Variants in SHC3 observed in about 807,000 individuals in gnomAD.
The protein encoded by SHC3 is SHC adaptor protein 3.
SHC3 carries 15 observed loss-of-function variants against 60.4 expected under a neutral mutation model. That is an observed-to-expected ratio of 0.25 (90% CI 0.17 to 0.38). The LOEUF (loss-of-function observed/expected upper bound fraction) is 0.38, where lower values mean the gene tolerates loss of function less well. Ranked by LOEUF, SHC3 falls within the 10% of genes least tolerant of loss-of-function variation. SHC3 has a pLI of 1.00. For missense variants in SHC3, 677 were observed against 786.1 expected (o/e 0.86, Z 1.66); for synonymous variants, 294 against 325.9 (o/e 0.90, Z 1.05).
intron 7 of SHC3, among the ~76,000 whole-genome samples, chr9:89,048,757 G>T (rs1824813703): frequency 6.6e-6 from 1 of 152,234 alleles, no homozygotes; most frequent in Non-Finnish European, 1.5e-5. Flanking sequence ...GCTGGATGCA[G>T]TGTGGGTTCT....
Position 89,130,791 on chromosome 9 carries a change from C to T in SHC3, c.475-18165G>A, listed in dbSNP as rs547203795. Among the ~76,000 whole-genome samples the T allele has an allele frequency of 2.5e-3, 387 of 152,024 alleles. 2 individuals are homozygous for T. Among genetic ancestry groups the T allele is most frequent in the African/African-American group, 8.8e-3 (367 of 41,474 alleles). ...AGGGAAATTTATAGCACTAAATGCC[C>T]ACAAGAGAAAGCAGGAAAGATCTAA... On this transcript the variant is annotated intron_variant, in intron 1 of 11. Transcript: ENST00000375835.
Position 89,129,049 on chromosome 9 carries a change from G to A in SHC3, c.475-16423C>T, listed in dbSNP as rs12349246. On this transcript the variant is annotated intron_variant, in intron 1 of 11. Coordinates refer to ENST00000375835, the MANE Select transcript of SHC3 (RefSeq NM_016848.6). ...ATGGCTAACTAGAATAAACAGTGTA[G>A]AGAAGACCTTAAATGACCTGATGGA... Among the ~76,000 whole-genome samples, 183 of 152,320 alleles carry A rather than the reference G, an allele frequency of 1.2e-3. 1 individual carries two copies. The highest frequency in any genetic ancestry group is 4.3e-3 in the African/African-American group (179 of 41,570).
chr9:89,090,261 G>T (rs974046296), intron 2 of SHC3, among the ~76,000 whole-genome samples: 1 of 152,190 alleles, frequency 6.6e-6, no homozygotes, highest in East Asian at 1.9e-4. Flanking sequence ...CTTGAACTGG[G>T]CTCTCTGTGA....
At chr9:89,096,118 T>C (rs754521327) in intron 2 of SHC3, among the ~76,000 whole-genome samples, 1 of 152,202 alleles carries the variant, frequency 6.6e-6, no homozygotes, top group Non-Finnish European at 1.5e-5. Context: ...AGGAGCCAGT[T>C]CTCTTCAACT....
chr9:89,098,963 C>G lies in SHC3; in HGVS notation c.545+13593G>C, dbSNP rs182630471. On this transcript the variant is annotated intron_variant, in intron 2 of 11. Coordinates refer to ENST00000375835, the MANE Select transcript of SHC3 (RefSeq NM_016848.6). ...CTCTAGCTTGGGCAACAAAGCAAGG[C>G]TCTGTCTCAAAATAAATAAATAAAT... is the stretch of plus-strand genomic sequence containing the variant. Among the ~76,000 whole-genome samples the G allele has an allele frequency of 2.0e-5, 3 of 152,050 alleles. No individual in the cohort carries two copies. In the East Asian group the frequency reaches 5.8e-4, roughly 29 times the overall value.
intron 1 of SHC3, among the ~76,000 whole-genome samples, chr9:89,117,144 T>C (rs1826030033): frequency 6.6e-6 from 1 of 152,252 alleles, no homozygotes; most frequent in Non-Finnish European, 1.5e-5. Context: ...ATGTGTAGCC[T>C]GGGCCTAATT....
chr9:89,175,149 G>A (rs1826924665), intron 1 of SHC3, among the ~76,000 whole-genome samples: 1 of 152,200 alleles, frequency 6.6e-6, no homozygotes, highest in South Asian at 2.1e-4. Context: ...CAAGAGCATA[G>A]TTCCTTGTTC....
At chr9:89,156,868 A>G (rs913850302) in intron 1 of SHC3, among the ~76,000 whole-genome samples, 8 of 151,948 alleles carry the variant, frequency 5.3e-5, no homozygotes, top group Non-Finnish European at 1.2e-4. Flanking sequence ...CTCCTTAATC[A>G]ATCACAAATC....
chr9:89,109,129 C>T, intron 2 of SHC3: 1 of 985,466 alleles, frequency 1.0e-6, no homozygotes, highest in African/African-American at 1.7e-5. Context: ...AGGAAATCCT[C>T]TACAAACAAC....
intron 2 of SHC3, among the ~76,000 whole-genome samples, chr9:89,080,637 C>T (rs1825428788): frequency 6.6e-6 from 1 of 151,646 alleles, no homozygotes; most frequent in African/African-American, 2.4e-5. Flanking sequence ...ATGTTGGGCT[C>T]CTATCTCTTG....
At chr9:89,042,410 G>A (rs1587691078) in intron 9 of SHC3, among the ~76,000 whole-genome samples, 1 of 152,174 alleles carries the variant, frequency 6.6e-6, no homozygotes, top group South Asian at 2.1e-4. Context: ...CAATGTCAGG[G>A]TGGACACCTT....
Position 89,178,279 on chromosome 9 carries a change from G to A in SHC3, c.182C>T (p.Pro61Leu), listed in dbSNP as rs760169186. 32 of 1,555,106 alleles carry A rather than the reference G, an allele frequency of 2.1e-5. No individual in the cohort carries two copies. Among genetic ancestry groups the A allele is most frequent in the Middle Eastern group, 1.7e-4 (1 of 5,776 alleles). The change falls in exon 1 of 12, where the codon CCC (proline) becomes CTC (leucine). Residue 61 changes from proline to leucine, a missense_variant. Pro to Leu is a moderately conservative substitution (Grantham distance 98, BLOSUM62 -3). Coordinates refer to ENST00000375835, the MANE Select transcript of SHC3 (RefSeq NM_016848.6). The surrounding 1 kb of genome is among the most constrained non-coding windows in gnomAD (Gnocchi z 6.9). ...EALRKAPDDG[P>L]GSLGHLLHKV... The stretch of plus-strand genomic sequence containing the variant: ...GTGGAGCAGGTGGCCCAGGCTGCCG[G>A]GCCCATCGTCGGGCGCCTTGCGCAG...
intron 1 of SHC3, among the ~76,000 whole-genome samples, chr9:89,116,734 T>C (rs933809884): frequency 1.3e-5 from 2 of 152,180 alleles, no homozygotes; most frequent in Non-Finnish European, 2.9e-5. Context: ...ATTATGTGAA[T>C]ACCTCCATCA....
Position 89,042,661 on chromosome 9 carries a change from G to C in SHC3, c.1202-477C>G, listed in dbSNP as rs570814030. The stretch of plus-strand genomic sequence containing the variant: ...ACAATAGAAGCTCTGTACCTCCTAA[G>C]GAACTGAGAGAGACTCCTTCCTTAT... On this transcript the variant is annotated intron_variant, in intron 9 of 11. Transcript: ENST00000375835. 3.9e-5 allele frequency among the ~76,000 whole-genome samples: 6 copies of C among 152,310 alleles called. No homozygotes were observed. In the East Asian group the frequency reaches 7.7e-4, roughly 20 times the overall value.
chr9:89,114,824 A>T lies in SHC3; in HGVS notation c.475-2198T>A, dbSNP rs544334697. On this transcript the variant is annotated intron_variant, in intron 1 of 11. Coordinates refer to ENST00000375835, the MANE Select transcript of SHC3 (RefSeq NM_016848.6). The stretch of plus-strand genomic sequence containing the variant: ...GATTTGCAACCTCATCCACAATTAC[A>T]TGTTTATAAGACTACCACCAGCAGC... Among the ~76,000 whole-genome samples, 33 of 152,268 alleles carry T rather than the reference A, an allele frequency of 2.2e-4. No homozygotes were observed. In the South Asian group the frequency reaches 5.8e-3, roughly 27 times the overall value.
chr9:89,050,446 C>T (rs766059145), intron 7 of SHC3, among the ~76,000 whole-genome samples: 6 of 152,104 alleles, frequency 3.9e-5, no homozygotes, highest in Non-Finnish European at 8.8e-5. Flanking sequence ...TCACCATGCC[C>T]AACTAATTTT....
At position 89,022,869 on chromosome 9, in the gene SHC3, G is replaced by A. The variant is rs547982821; in HGVS notation, c.1657-9294C>T. Reference sequence around the variant, plus strand: ...GCCCTGAATTCTCTTACGGTGTACTGTCTATTCTGCACCTAACTTTCAAAA... The same window carrying A: ...GCCCTGAATTCTCTTACGGTGTACTATCTATTCTGCACCTAACTTTCAAAA... On this transcript the variant is annotated intron_variant, in intron 11 of 11. Coordinates refer to ENST00000375835, the MANE Select transcript of SHC3 (RefSeq NM_016848.6). Among the ~76,000 whole-genome samples the A allele has an allele frequency of 7.4e-4, 113 of 152,278 alleles. 1 individual carries two copies. In the South Asian group the frequency reaches 0.022, roughly 29 times the overall value.
chr9:89,159,370 C>T (rs762604637), intron 1 of SHC3, among the ~76,000 whole-genome samples: 1 of 152,108 alleles, frequency 6.6e-6, no homozygotes, highest in Non-Finnish European at 1.5e-5. Flanking sequence ...AATCTAGATA[C>T]AGTGGGATCA....
intron 2 of SHC3, among the ~76,000 whole-genome samples, chr9:89,093,740 G>C (rs1825659825): frequency 6.6e-6 from 1 of 152,142 alleles, no homozygotes; most frequent in African/African-American, 2.4e-5. Flanking sequence ...CTTTGGTCTG[G>C]AATATTCTGA....
Sources: allele counts gnomAD v4.1 joint callset (sites outside exome capture counted in the v4.1 genomes callset), GRCh38; gene constraint gnomAD v4.1.1; non-coding constraint Gnocchi (gnomAD v3.1); transcripts MANE v1.5; gene names NCBI Gene and HGNC (gene_info 2026-07-23, HGNC 2026-07-21).